The following CDH12 variants were observed in gnomAD, a reference collection of about 807,000 sequenced individuals.
The protein encoded by CDH12 is cadherin 12, also known as cadherin-12.
CDH12 carries 41 observed loss-of-function variants against 74.1 expected under a neutral mutation model. The observed-to-expected ratio is 0.55, with a 90% CI of 0.43 to 0.72. The LOEUF (loss-of-function observed/expected upper bound fraction) is 0.72. Ranked by LOEUF, CDH12 falls within the 30% of genes least tolerant of loss-of-function variation. The pLI, the probability that CDH12 is intolerant of heterozygous loss-of-function variation, is 0.00. For missense variants in CDH12, 945 were observed against 977.2 expected (o/e 0.97, Z 0.44); for synonymous variants, 399 against 355.0 (o/e 1.12, Z -1.39).
intron 6 of CDH12, among the ~76,000 whole-genome samples, chr5:21,906,648 C>G (rs1241765693): frequency 6.6e-6 from 1 of 152,082 alleles, no homozygotes; most frequent in African/African-American, 2.4e-5. Flanking sequence ...TTAAAAAAAT[C>G]CGAATTTAGG....
At chr5:22,721,382 C>T (rs776396642) in intron 1 of CDH12, among the ~76,000 whole-genome samples, 1 of 152,240 alleles carries the variant, frequency 6.6e-6, no homozygotes, top group Non-Finnish European at 1.5e-5. Flanking sequence ...TTGCATGGGG[C>T]TTATAGCCCC....
intron 3 of CDH12, among the ~76,000 whole-genome samples, chr5:22,324,238 T>C (rs1370976329): frequency 6.6e-6 from 1 of 152,110 alleles, no homozygotes; most frequent in African/African-American, 2.4e-5. Flanking sequence ...AATAGGAAGT[T>C]AGGAATGATT....
chr5:22,594,636 C>T (rs557913658), intron 1 of CDH12, among the ~76,000 whole-genome samples: 2 of 152,126 alleles, frequency 1.3e-5, no homozygotes, highest in Non-Finnish European at 1.5e-5. Context: ...CAAGTCTCTA[C>T]AAACAGCTGA....
intron 2 of CDH12, among the ~76,000 whole-genome samples, chr5:22,437,545 T>A (rs1242392805): frequency 1.0e-5 from 1 of 95,626 alleles, no homozygotes; most frequent in Non-Finnish European, 2.1e-5. Context: ...GTCAGCAATT[T>A]AAAAATAATA....
intron 1 of CDH12, among the ~76,000 whole-genome samples, chr5:22,818,593 A>C (rs530649819): frequency 6.6e-6 from 1 of 152,294 alleles, no homozygotes; most frequent in Non-Finnish European, 1.5e-5. Flanking sequence ...ATGCTTAAAA[A>C]TCTAAATATT....
At chr5:22,783,966 T>C (rs1045615841) in intron 1 of CDH12, among the ~76,000 whole-genome samples, 4 of 152,096 alleles carry the variant, frequency 2.6e-5, no homozygotes, top group Non-Finnish European at 5.9e-5. Flanking sequence ...GATTTTAAAA[T>C]CAGAAATATA....
At chr5:22,386,035 G>A (rs1741985538) in intron 3 of CDH12, among the ~76,000 whole-genome samples, 1 of 151,966 alleles carries the variant, frequency 6.6e-6, no homozygotes, top group Non-Finnish European at 1.5e-5. Flanking sequence ...TGGGATTACA[G>A]GCATGTGGCA....
chr5:21,960,805 C>A (rs1756325334), intron 6 of CDH12, among the ~76,000 whole-genome samples: 1 of 151,786 alleles, frequency 6.6e-6, no homozygotes, highest in Non-Finnish European at 1.5e-5. Flanking sequence ...AATTGAGATA[C>A]AGCAAAATGC....
At chr5:22,142,027 T>C (rs530830124) in intron 4 of CDH12, among the ~76,000 whole-genome samples, 67 of 152,214 alleles carry the variant, frequency 4.4e-4, no homozygotes, top group African/African-American at 1.6e-3. Flanking sequence ...TCCTGGGCTT[T>C]TGGAATGAGA....
At chr5:21,842,619 AC>A (rs1749936199) in intron 7 of CDH12, among the ~76,000 whole-genome samples, 1 of 152,178 alleles carries the variant, frequency 6.6e-6, no homozygotes, top group African/African-American at 2.4e-5. Context: ...GCCAAGTTAG[AC>A]ATGATTTATA....
chr5:22,282,816 T>A (rs1251665772), intron 3 of CDH12, among the ~76,000 whole-genome samples: 1 of 152,094 alleles, frequency 6.6e-6, no homozygotes, highest in Non-Finnish European at 1.5e-5. Context: ...TCAACTGTTG[T>A]GGAAGACAGG....
At chr5:22,783,333 G>C (rs1747473885) in intron 1 of CDH12, among the ~76,000 whole-genome samples, 1 of 152,040 alleles carries the variant, frequency 6.6e-6, no homozygotes, top group Non-Finnish European at 1.5e-5. Context: ...TAAAGGCAAA[G>C]CTGTGAGATG....
chr5:22,215,714 T>C (rs560193333), intron 3 of CDH12, among the ~76,000 whole-genome samples: 107 of 152,268 alleles, frequency 7.0e-4, no homozygotes, highest in Non-Finnish European at 1.3e-3. Flanking sequence ...CATAATGTAA[T>C]AGCAAAGCTC....
chr5:22,537,261 G>A (rs1009383343), intron 1 of CDH12, among the ~76,000 whole-genome samples: 10 of 152,100 alleles, frequency 6.6e-5, no homozygotes, highest in Admixed American at 6.5e-4. Flanking sequence ...AAGTTAACAA[G>A]GTACCCATTG....
At chr5:21,884,449 T>C in intron 6 of CDH12, 1 of 731,758 alleles carries the variant, frequency 1.4e-6, no homozygotes, top group Admixed American at 2.1e-5. Context: ...AACCATCAGT[T>C]ACTGGTTTCA....
intron 11 of CDH12, among the ~76,000 whole-genome samples, chr5:21,776,197 C>G (rs76553340): frequency 3.9e-5 from 6 of 152,128 alleles, no homozygotes; most frequent in Non-Finnish European, 5.9e-5. Context: ...AGCTTCGGAT[C>G]AAACAGCAGT....
chr5:21,985,640 G>C (rs1757481771), intron 5 of CDH12, among the ~76,000 whole-genome samples: 1 of 152,104 alleles, frequency 6.6e-6, no homozygotes, highest in South Asian at 2.1e-4. Context: ...TTTTGCGTGA[G>C]TTTCTTTGTC....
intron 4 of CDH12, among the ~76,000 whole-genome samples, chr5:22,115,694 T>C (rs891285445): frequency 6.8e-5 from 10 of 147,474 alleles, no homozygotes; most frequent in African/African-American, 2.5e-4. Context: ...CGCGACTTTT[T>C]TTTTTTTTTT....
chr5:22,230,872 C>T (rs1291419473), intron 3 of CDH12, among the ~76,000 whole-genome samples: 1 of 152,128 alleles, frequency 6.6e-6, no homozygotes, highest in Non-Finnish European at 1.5e-5. Flanking sequence ...GGGTATAATT[C>T]TAACTTATTA....
Sources: allele counts gnomAD v4.1 joint callset (sites outside exome capture counted in the v4.1 genomes callset), GRCh38; gene constraint gnomAD v4.1.1; transcripts MANE v1.5; gene names NCBI Gene and HGNC (gene_info 2026-07-23, HGNC 2026-07-21).